KCNAB1: variants seen among roughly 807,000 people sequenced by gnomAD.
KCNAB1 encodes potassium voltage-gated channel subfamily A regulatory beta subunit 1, also known as voltage-gated potassium channel subunit beta-1.
KCNAB1 carries 35 observed loss-of-function variants against 64.6 expected under a neutral mutation model. The observed-to-expected ratio is 0.54, with a 90% confidence interval of 0.41 to 0.72. The LOEUF (loss-of-function observed/expected upper bound fraction) is 0.72. Ranked by LOEUF, KCNAB1 falls within the 30% of genes least tolerant of loss-of-function variation. The probability of loss-of-function intolerance (pLI) is 0.00; values close to 1 mark genes in which losing one functional copy is unlikely to be tolerated. For synonymous variants in KCNAB1, 177 were observed against 183.8 expected, an observed-to-expected ratio of 0.96 and a Z score of 0.30; for missense variants, 401 against 512.9, an observed-to-expected ratio of 0.78 and a Z score of 2.11.
chr3:156,509,962 T>C (rs1025946647), intron 8 of KCNAB1, among the ~76,000 whole-genome samples: 4 of 152,238 alleles, frequency 2.6e-5, no homozygotes, highest in Admixed American at 1.3e-4. Context: ...GGTTGTTTCC[T>C]ATTAGTAAGC....
At chr3:156,350,987 GT>G (rs1285914920) in intron 1 of KCNAB1, among the ~76,000 whole-genome samples, 9 of 152,256 alleles carry the variant, frequency 5.9e-5, no homozygotes, top group Admixed American at 1.3e-4. Context: ...GATTTGCACA[GT>G]TGTCATGGGA....
At chr3:156,248,817 A>G (rs1201482433) in intron 1 of KCNAB1, among the ~76,000 whole-genome samples, 1 of 152,174 alleles carries the variant, frequency 6.6e-6, no homozygotes, top group Admixed American at 6.5e-5. Context: ...GCTCCACGTG[A>G]TATGAGCCCT....
chr3:156,448,651 G>A (rs1029351613), intron 2 of KCNAB1, among the ~76,000 whole-genome samples: 3 of 151,972 alleles, frequency 2.0e-5, no homozygotes, highest in Non-Finnish European at 4.4e-5. Context: ...GGGTACCCAG[G>A]GATAGGGAGA....
intron 1 of KCNAB1, among the ~76,000 whole-genome samples, chr3:156,353,086 A>G (rs1334219985): frequency 6.6e-6 from 1 of 152,256 alleles, no homozygotes; most frequent in Non-Finnish European, 1.5e-5. Flanking sequence ...GAACTCTGCT[A>G]TAAGTGATTG....
At chr3:156,343,080 A>G (rs1268008344) in intron 1 of KCNAB1, among the ~76,000 whole-genome samples, 1 of 152,138 alleles carries the variant, frequency 6.6e-6, no homozygotes, top group Admixed American at 6.5e-5. Flanking sequence ...TCCTTATTCA[A>G]TCTCTACTTC....
At chr3:156,419,860 C>T (rs1402953466) in intron 1 of KCNAB1, among the ~76,000 whole-genome samples, 1 of 152,170 alleles carries the variant, frequency 6.6e-6, no homozygotes, top group Non-Finnish European at 1.5e-5. Flanking sequence ...AAAAATTCTC[C>T]CTACAATATA....
At chr3:156,482,600 G>A (rs2108334563) in intron 8 of KCNAB1, among the ~76,000 whole-genome samples, 2 of 152,160 alleles carry the variant, frequency 1.3e-5, no homozygotes, top group Middle Eastern at 3.4e-3. Flanking sequence ...AATAGCAAAG[G>A]TATGGCATTA....
At chr3:156,205,091 G>T (rs1007398319) in intron 1 of KCNAB1, among the ~76,000 whole-genome samples, 1 of 152,110 alleles carries the variant, frequency 6.6e-6, no homozygotes, top group African/African-American at 2.4e-5. Flanking sequence ...AAAGATAATT[G>T]TAAGAAGACT....
intron 1 of KCNAB1, among the ~76,000 whole-genome samples, chr3:156,342,977 T>C (rs1724244492): frequency 6.6e-6 from 1 of 152,204 alleles, no homozygotes; most frequent in African/African-American, 2.4e-5. Flanking sequence ...GAAGTTTACA[T>C]ACATGTTAAG....
chr3:156,262,681 CT>C (rs1247794208), intron 1 of KCNAB1, among the ~76,000 whole-genome samples: 1 of 151,588 alleles, frequency 6.6e-6, no homozygotes, highest in Non-Finnish European at 1.5e-5. Flanking sequence ...AAAATAATAC[CT>C]TAAAGAAGAG....
intron 1 of KCNAB1, among the ~76,000 whole-genome samples, chr3:156,412,989 C>T (rs954961719): frequency 3.5e-4 from 54 of 152,198 alleles, no homozygotes; most frequent in Non-Finnish European, 7.3e-5. Context: ...AGCAGGTGGT[C>T]TAAAGTGCTG....
intron 1 of KCNAB1, among the ~76,000 whole-genome samples, chr3:156,224,635 GA>G (rs1224100425): frequency 1.3e-5 from 2 of 152,166 alleles, no homozygotes; most frequent in African/African-American, 2.4e-5. Flanking sequence ...AAATGAAACA[GA>G]AAGCTGATTC....
intron 1 of KCNAB1, among the ~76,000 whole-genome samples, chr3:156,218,786 C>CAAAA (rs1228783831): frequency 6.6e-4 from 61 of 92,588 alleles, no homozygotes; most frequent in African/African-American, 2.3e-3. Context: ...CCCAGAACAG[C>CAAAA]AAAAAAAAAA....
At chr3:156,377,336 T>C (rs1711753067) in intron 1 of KCNAB1, among the ~76,000 whole-genome samples, 1 of 152,004 alleles carries the variant, frequency 6.6e-6, no homozygotes, top group Admixed American at 6.6e-5. Context: ...ACCTGTGAGT[T>C]AGAGGAGGGA....
chr3:156,431,189 A>G (rs767640128), intron 2 of KCNAB1, among the ~76,000 whole-genome samples: 2 of 152,152 alleles, frequency 1.3e-5, no homozygotes, highest in Non-Finnish European at 2.9e-5. Flanking sequence ...CGAGGTCCCC[A>G]TAGTTCCTGT....
At chr3:156,486,291 T>C (rs1715208708) in intron 8 of KCNAB1, among the ~76,000 whole-genome samples, 1 of 152,132 alleles carries the variant, frequency 6.6e-6, no homozygotes, top group East Asian at 1.9e-4. Flanking sequence ...CTTCTGCTCT[T>C]ACCCTACTCT....
At chr3:156,176,205 A>T (rs969127781) in intron 1 of KCNAB1, 1 of 778,242 alleles carries the variant, frequency 1.3e-6, no homozygotes, top group African/African-American at 1.7e-5. Context: ...AGGTCAGGCC[A>T]GTCACTGAAT....
At chr3:156,163,944 T>C (rs2063271969) in intron 1 of KCNAB1, among the ~76,000 whole-genome samples, 1 of 152,218 alleles carries the variant, frequency 6.6e-6, no homozygotes, top group Admixed American at 6.5e-5. Flanking sequence ...CATTGCTTTT[T>C]ATCCTGTCTT....
chr3:156,459,582 T>A (rs1165164394), intron 4 of KCNAB1, among the ~76,000 whole-genome samples: 2 of 152,068 alleles, frequency 1.3e-5, no homozygotes, highest in African/African-American at 4.8e-5. Context: ...CTGCTTAGTA[T>A]CAGGACTGCA....
Sources: gnomAD v4.1 joint callset for allele counts (sites outside exome capture counted in the v4.1 genomes callset) on GRCh38, gnomAD v4.1.1 for gene constraint, MANE v1.5 for transcripts, NCBI Gene and HGNC (gene_info 2026-07-23, HGNC 2026-07-21) for gene names.